Variants in IL34 observed in about 807,000 individuals in gnomAD.
IL34 encodes interleukin-34.
IL34 carries 17 observed loss-of-function variants against 25.3 expected under a neutral mutation model. The observed-to-expected ratio is 0.67, with a 90% CI of 0.46 to 1.01. The LOEUF is 1.01. Ranked by LOEUF, IL34 falls within the 50% of genes least tolerant of loss-of-function variation. The pLI is 0.00. For missense variants in IL34, 368 were observed against 312.9 expected (o/e 1.18, Z -1.33); for synonymous variants, 174 against 140.9 (o/e 1.23, Z -1.66).
intron 1 of IL34, among the ~76,000 whole-genome samples, chr16:70,651,888 G>A (rs999897390): frequency 1.3e-5 from 2 of 152,136 alleles, no homozygotes; most frequent in African/African-American, 4.8e-5. Flanking sequence ...CACTTTGGGA[G>A]GCTGAGGTGG....
rs1474705371 is a variant in IL34 at position 70,646,749 on chromosome 16, G to A, written c.-199G>A. 5.9e-6 allele frequency: 3 copies of A among 510,376 alleles called. No homozygotes were observed. Among genetic ancestry groups the A allele is most frequent in the South Asian group, 3.2e-5 (1 of 31,732 alleles). 31.6% of individuals were successfully genotyped at this position (510,376 alleles called of 1,614,324 possible). A position where few individuals can be genotyped will look rare whatever the true frequency, so the allele number is the denominator to read the frequency against. On this transcript the variant is annotated 5_prime_UTR_variant, in exon 1 of 6. Coordinates refer to ENST00000288098, the MANE Select transcript of IL34 (RefSeq NM_001393494.1). ...CCACCGCCCCCCGGCTGTCCTCCAC[G>A]CTGCCGGGCAGATAAGGGCAGCTGC...
chr16:70,635,343 C>A (rs1281956839), intron 1 of IL34, among the ~76,000 whole-genome samples: 2 of 152,216 alleles, frequency 1.3e-5, no homozygotes, highest in East Asian at 3.8e-4. Context: ...AAGCTAAACA[C>A]CCTCCAGCTG....
intron 1 of IL34, among the ~76,000 whole-genome samples, chr16:70,629,072 T>C: frequency 6.6e-6 from 1 of 152,202 alleles, no homozygotes; most frequent in Admixed American, 6.5e-5. Flanking sequence ...TCACTGTACC[T>C]GGCCCCTGGC....
chr16:70,636,647 T>C (rs1019640468), intron 1 of IL34, among the ~76,000 whole-genome samples: 2 of 146,686 alleles, frequency 1.4e-5, no homozygotes, highest in Non-Finnish European at 3.0e-5. Flanking sequence ...CTGGGCATGA[T>C]TGAGTGTACC....
At chr16:70,610,979 T>G (rs200569302) in intron 1 of IL34, among the ~76,000 whole-genome samples, 1 of 151,738 alleles carries the variant, frequency 6.6e-6, no homozygotes, top group African/African-American at 2.4e-5. Context: ...CTTTCTTCTT[T>G]TTGTTGTTGT....
intron 1 of IL34, 78 bp downstream of exon 1, chr16:70,647,053 C>G: frequency 1.6e-6 from 2 of 1,246,236 alleles, no homozygotes; most frequent in Non-Finnish European, 2.1e-6. Context: ...ACCATAGCAA[C>G]CAGGGCATTC....
intron 1 of IL34, among the ~76,000 whole-genome samples, chr16:70,628,272 T>G (rs2051439408): frequency 6.6e-6 from 1 of 152,200 alleles, no homozygotes; most frequent in Non-Finnish European, 1.5e-5. Flanking sequence ...TGGACCTACT[T>G]ATGATGTTAA....
chr16:70,654,403 GC>G (rs1382420604), intron 1 of IL34, 134 bp from the exon 2 acceptor site: 23 of 1,183,472 alleles, frequency 1.9e-5, no homozygotes, highest in Non-Finnish European at 3.5e-6. Context: ...CAGATCCCGT[GC>G]CCCCCACCAC....
chr16:70,592,222 G>T (rs1348715618), intron 1 of IL34, among the ~76,000 whole-genome samples: 1 of 152,142 alleles, frequency 6.6e-6, no homozygotes, highest in Non-Finnish European at 1.5e-5. Flanking sequence ...CTGAGGCTGG[G>T]CTGGGGCCAG....
chr16:70,622,505 G>A, intron 1 of IL34, among the ~76,000 whole-genome samples: 1 of 151,910 alleles, frequency 6.6e-6, no homozygotes. Context: ...AGCATAGCCT[G>A]CCTTTGCTGG....
intron 1 of IL34, among the ~76,000 whole-genome samples, chr16:70,608,323 T>TA (rs1268439284): frequency 1.3e-4 from 20 of 151,826 alleles, no homozygotes; most frequent in Admixed American, 1.3e-3. Flanking sequence ...GGGTCAGTGT[T>TA]TCACCATGTT....
At chr16:70,642,923 G>A (rs2051820148), upstream of IL34, among the ~76,000 whole-genome samples, 1 of 152,168 alleles carries the variant, frequency 6.6e-6, no homozygotes. Context: ...GGGAGGAAGA[G>A]GGAATAGGGG....
At chr16:70,595,018 G>A (rs2050801752) in intron 1 of IL34, among the ~76,000 whole-genome samples, 1 of 149,304 alleles carries the variant, frequency 6.7e-6, no homozygotes, top group Non-Finnish European at 1.5e-5. Context: ...GCAGTGGTGC[G>A]ATCTCGGCTC....
chr16:70,642,284 A>G (rs1265222914), upstream of IL34, among the ~76,000 whole-genome samples: 3 of 144,704 alleles, frequency 2.1e-5, no homozygotes, highest in Admixed American at 2.1e-4. Flanking sequence ...GAGTGAGCGT[A>G]CTCTGATGTC....
intron 1 of IL34, among the ~76,000 whole-genome samples, chr16:70,623,968 A>AAAGTG (rs2051335062): frequency 7.5e-6 from 1 of 133,712 alleles, no homozygotes; most frequent in Non-Finnish European, 1.7e-5. Context: ...AAGGCGACGG[A>AAAGTG]CTTACCTTCC....
At chr16:70,627,690 G>A (rs547269133) in intron 1 of IL34, among the ~76,000 whole-genome samples, 6 of 152,088 alleles carry the variant, frequency 3.9e-5, no homozygotes, top group Admixed American at 1.3e-4. Flanking sequence ...AGCTGGTCTC[G>A]AGCTCCAGGG....
intron 1 of IL34, among the ~76,000 whole-genome samples, chr16:70,625,630 C>T (rs1302353074): frequency 6.6e-6 from 1 of 152,092 alleles, no homozygotes; most frequent in Non-Finnish European, 1.5e-5. Context: ...GGTGAATAAT[C>T]AGAGAGGTGT....
chr16:70,605,872 A>C (rs2050995142), intron 1 of IL34, among the ~76,000 whole-genome samples: 1 of 149,716 alleles, frequency 6.7e-6, no homozygotes, highest in South Asian at 2.1e-4. Context: ...GGGTTTCATC[A>C]TGTTGGCCAG....
intron 1 of IL34, among the ~76,000 whole-genome samples, chr16:70,617,938 C>T: frequency 6.6e-6 from 1 of 151,772 alleles, no homozygotes; most frequent in African/African-American, 2.4e-5. Context: ...AAGTATCTAC[C>T]TAGACTAAGA....
Sources: gnomAD v4.1 joint callset for allele counts (sites outside exome capture counted in the v4.1 genomes callset) on GRCh38, gnomAD v4.1.1 for gene constraint, MANE v1.5 for transcripts, NCBI Gene and HGNC (gene_info 2026-07-23, HGNC 2026-07-21) for gene names.